EN2: variants seen among roughly 807,000 people sequenced by gnomAD.
The protein encoded by EN2 is engrailed homeobox 2.
In EN2, 7 loss-of-function variants were observed where a neutral mutation model predicts 25.0. The ratio of observed to expected loss-of-function variants is 0.28; its 90% CI spans 0.16 to 0.53. EN2 has a LOEUF of 0.53. EN2 is among the 20% of genes least tolerant of loss of function. The pLI, the probability that EN2 is intolerant of heterozygous loss-of-function variation, is 0.96. For missense variants in EN2, 524 were observed against 501.8 expected, an observed-to-expected ratio of 1.04 and a Z score of -0.42; for synonymous variants, 277 against 243.3, an observed-to-expected ratio of 1.14 and a Z score of -1.29.
At position 155,463,431 on chromosome 7, in the gene EN2, C is replaced by T. The variant is rs1795721428; in HGVS notation, c.*744C>T. 6.5e-6 allele frequency: 1 copy of T among 152,676 alleles called. No homozygotes were observed. Among genetic ancestry groups the T allele is most frequent in the African/African-American group, 2.4e-5 (1 of 41,256 alleles). 9.5% of individuals were successfully genotyped at this position (152,676 alleles called of 1,614,324 possible). ...CCTTCTCCTTTTTCCTCCTCTTCCT[C>T]CTTCCTCCTTCCTCCTGCTCCTCCT... is the stretch of plus-strand genomic sequence containing the variant. On this transcript the variant is annotated 3_prime_UTR_variant, in exon 2 of 2. Transcript: ENST00000297375.
At position 155,458,238 on chromosome 7, in the gene EN2, C is replaced by A; in HGVS notation, c.-140C>A. On this transcript the variant is annotated 5_prime_UTR_variant, in exon 1 of 2. In the 5' UTR this introduces an upstream ATG that the reference lacks. Coordinates refer to ENST00000297375, the MANE Select transcript of EN2 (RefSeq NM_001427.4). ...GCCGGCGACTTGTAGGACCTCAGCC[C>A]TGGCCGCGGCCGCCGCGCACGCCCT... The A allele has an allele frequency of 1.7e-6, 2 of 1,175,510 alleles. No individual in the cohort carries two copies. Among genetic ancestry groups the A allele is most frequent in the Non-Finnish European group, 2.2e-6 (2 of 926,338 alleles). 72.8% of individuals were successfully genotyped at this position (1,175,510 alleles called of 1,614,324 possible).
At chr7:155,460,497 G>A (rs912592128) in intron 1 of EN2, among the ~76,000 whole-genome samples, 1 of 152,182 alleles carries the variant, frequency 6.6e-6, no homozygotes, top group Non-Finnish European at 1.5e-5. Flanking sequence ...TCTTTTGAAA[G>A]AAAATCAAGA....
Position 155,458,991 on chromosome 7 carries a change from A to T in EN2, c.614A>T (p.Asn205Ile). ...TCGGACAGCTCGCAAGCCGGCGCCA[A>T]CCTGGGCGCGCAGCCCATGCTCTGG... ...SDSDSSQAGA[N>I]LGAQPMLWPA... The change falls in exon 1 of 2, where the codon AAC becomes ATC. Residue 205 changes from asparagine (N) to isoleucine (I), a missense_variant. By Grantham distance (149) the Asn-to-Ile change is moderately radical. Coordinates refer to ENST00000297375, the MANE Select transcript of EN2 (RefSeq NM_001427.4). 1 of 1,559,836 alleles carries T rather than the reference A, an allele frequency of 6.4e-7. No individual in the cohort carries two copies. The highest frequency in any genetic ancestry group is 1.2e-5 in the South Asian group (1 of 86,728).
chr7:155,460,567 C>T (rs940912109), intron 1 of EN2, among the ~76,000 whole-genome samples: 1 of 152,142 alleles, frequency 6.6e-6, no homozygotes, highest in Admixed American at 6.5e-5. Context: ...TGTCCTTTTG[C>T]GGGCTGCTTC....
intron 1 of EN2, among the ~76,000 whole-genome samples, chr7:155,459,718 G>T (rs752758249): frequency 3.3e-5 from 5 of 152,240 alleles, no homozygotes; most frequent in African/African-American, 4.8e-5. Flanking sequence ...GCGCCAGCCC[G>T]CAGTGGTGGG....
chr7:155,461,759 A>G (rs532724703), intron 1 of EN2, among the ~76,000 whole-genome samples: 1 of 152,278 alleles, frequency 6.6e-6, no homozygotes, highest in South Asian at 2.1e-4. Context: ...ACTCTTCCTT[A>G]AAGGAATGAA....
rs1276803408 is a variant in EN2 at position 155,458,500 on chromosome 7, C to T, written c.123C>T (p.Asp41=). The T allele has an allele frequency of 7.6e-7, 1 of 1,320,502 alleles. No individual in the cohort carries two copies. The allele number at this position is 1,320,502 out of a possible 1,614,324, so 81.8% of individuals were successfully genotyped here. Residue 41 remains aspartate, a synonymous_variant, in exon 1 of 2, where the codon GAC becomes GAT. Transcript: ENST00000297375. ...GCGGTAGCAGCCCGGGCGAAGCGGACACCGGGCGCCGGCGGGCTCTGATGC... is the reference window on the plus strand; with the variant it reads ...GCGGTAGCAGCCCGGGCGAAGCGGATACCGGGCGCCGGCGGGCTCTGATGC... The part of the protein sequence containing the change: ...GGGGSSPGEA[D]TGRRRALMLP...
At position 155,458,230 on chromosome 7, in the gene EN2, C is replaced by T. The variant is rs371410446; in HGVS notation, c.-148C>T. 84 of 1,115,734 alleles carry T rather than the reference C, an allele frequency of 7.5e-5. 1 individual carries two copies. In the East Asian group the frequency reaches 1.1e-3, roughly 15 times the overall value. The allele number at this position is 1,115,734 out of a possible 1,614,324, so 69.1% of individuals were successfully genotyped here. ...CGAGCGCGGCCGGCGACTTGTAGGACCTCAGCCCTGGCCGCGGCCGCCGCG... is the reference window on the plus strand; with the variant it reads ...CGAGCGCGGCCGGCGACTTGTAGGATCTCAGCCCTGGCCGCGGCCGCCGCG... On this transcript the variant is annotated 5_prime_UTR_variant, in exon 1 of 2. Transcript: ENST00000297375.
chr7:155,461,466 G>A (rs1795696281), intron 1 of EN2, among the ~76,000 whole-genome samples: 1 of 152,220 alleles, frequency 6.6e-6, no homozygotes, highest in Non-Finnish European at 1.5e-5. Context: ...ACCTGGGGCA[G>A]GTCCACAGGG....
Position 155,462,446 on chromosome 7 carries a change from A to G in EN2, c.761A>G (p.Glu254Gly). Reference protein sequence around the residue: ...DKRPRTAFTAEQLQRLKAEFQ... With the variant: ...DKRPRTAFTAGQLQRLKAEFQ... The stretch of plus-strand genomic sequence containing the variant: ...CGGCCGCGCACGGCCTTTACCGCCG[A>G]GCAGCTGCAGAGGCTCAAGGCCGAG... Residue 254 changes from glutamate to glycine, a missense_variant, in exon 2 of 2, where the codon GAG (glutamate) becomes GGG (glycine). Physicochemically the swap from Glu to Gly is moderately conservative, Grantham distance 98. Transcript: ENST00000297375. 2 of 1,614,146 alleles carry G rather than the reference A, an allele frequency of 1.2e-6. No homozygotes were observed. The highest frequency in any genetic ancestry group is 1.1e-5 in the South Asian group (1 of 91,084).
At chr7:155,459,388 C>T (rs1429990546) in intron 1 of EN2, among the ~76,000 whole-genome samples, 1 of 152,228 alleles carries the variant, frequency 6.6e-6, no homozygotes, top group Admixed American at 6.5e-5. Flanking sequence ...TCTTCCCAGC[C>T]CCTAGCCCAT....
Position 155,462,495 on chromosome 7 carries a change from G to A in EN2, c.810G>A (p.Thr270=), listed in dbSNP as rs112687347. The A allele has an allele frequency of 8.7e-5, 141 of 1,614,082 alleles. 1 individual carries two copies. Among genetic ancestry groups the A allele is most frequent in the Non-Finnish European group, 7.3e-5 (86 of 1,180,050 alleles). The change falls in exon 2 of 2, where the codon ACG becomes ACA. Residue 270 remains threonine, a synonymous_variant. Transcript: ENST00000297375. ...KAEFQTNRYL[T]EQRRQSLAQE... ...AGTTCCAGACCAACAGGTACCTGAC[G>A]GAGCAGCGGCGCCAGAGCCTGGCGC...
In EN2 at chr7:155,462,338, C is replaced by T. The variant is rs537998496; in HGVS notation, c.686-33C>T. ...TATTGGGTGGCACACCTCTGGGTAA[C>T]CTGACTTCTCTCTGTCCACCGTATC... is the stretch of plus-strand genomic sequence containing the variant. On this transcript the variant is annotated intron_variant, in intron 1 of 1. Transcript: ENST00000297375. The T allele has an allele frequency of 2.7e-5, 42 of 1,573,592 alleles. No homozygotes were observed. The South Asian group carries it at 4.5e-4, about 17-fold the overall frequency.
In EN2 at chr7:155,464,627, T is replaced by G. The variant is rs1484269800; in HGVS notation, c.*1940T>G. On this transcript the variant is annotated 3_prime_UTR_variant, in exon 2 of 2. Transcript: ENST00000297375. ...AGGAAGCAAAGTTGGTTTCTGTTTT[T>G]TGTTTTCTTTGTTGTTTTAGTTTAT... 2.6e-5 allele frequency: 4 copies of G among 152,696 alleles called. No individual in the cohort carries two copies. The highest frequency in any genetic ancestry group is 9.6e-5 in the African/African-American group (4 of 41,472). The allele number at this position is 152,696 out of a possible 1,614,324, so 9.5% of individuals were successfully genotyped here. A position where few individuals can be genotyped will look rare whatever the true frequency, so the allele number is the denominator to read the frequency against.
chr7:155,458,798 G>A lies in EN2; in HGVS notation c.421G>A (p.Gly141Arg), dbSNP rs890439668. The change falls in exon 1 of 2, where the codon GGG becomes AGG. Residue 141 changes from glycine to arginine, a missense_variant. Physicochemically the swap from Gly to Arg is moderately radical, Grantham distance 125 (BLOSUM62 -2). Transcript: ENST00000297375. ...CCCGCCATGTGCGCCCGGCGCGGGC[G>A]GGCCGCTCCCAGCCGCCGGCAGCGA... is the stretch of plus-strand genomic sequence containing the variant. Reference protein sequence around the residue: ...QNPPCAPGAGGPLPAAGSDSP... With the variant: ...QNPPCAPGAGRPLPAAGSDSP... 5 of 1,393,352 alleles carry A rather than the reference G, an allele frequency of 3.6e-6. No individual in the cohort carries two copies. The highest frequency in any genetic ancestry group is 3.6e-5 in the Admixed American group (1 of 27,416). 86.3% of individuals were successfully genotyped at this position (1,393,352 alleles called of 1,614,324 possible).
chr7:155,459,111 G>A, intron 1 of EN2, 49 bp downstream of exon 1: 4 of 1,500,868 alleles, frequency 2.7e-6, no homozygotes, highest in Non-Finnish European at 3.5e-6. Flanking sequence ...GGAGGCCCGC[G>A]GAGCTGGGGG....
intron 1 of EN2, 69 bp downstream of exon 1, chr7:155,459,131 G>A (rs1795666405): frequency 1.4e-6 from 2 of 1,452,782 alleles, no homozygotes; most frequent in African/African-American, 3.0e-5. Flanking sequence ...GGCGGTGCTG[G>A]CGCGGGAACT....
In EN2 at chr7:155,458,741, T is replaced by C; in HGVS notation, c.364T>C (p.Leu122=). ...GGGAGGSEQL[L]GSGSREPRQN... Reference sequence around the variant, plus strand: ...CGGCGCGGGCGGCTCGGAGCAGCTCTTGGGCTCGGGCTCCCGAGAGCCCCG... The same window carrying C: ...CGGCGCGGGCGGCTCGGAGCAGCTCCTGGGCTCGGGCTCCCGAGAGCCCCG... The change falls in exon 1 of 2, where the codon TTG becomes CTG. Residue 122 remains leucine (L), a synonymous_variant. Coordinates refer to ENST00000297375, the MANE Select transcript of EN2 (RefSeq NM_001427.4). The C allele has an allele frequency of 2.9e-6, 4 of 1,359,360 alleles. No homozygotes were observed. Among genetic ancestry groups the C allele is most frequent in the Non-Finnish European group, 2.8e-6 (3 of 1,063,902 alleles). 84.2% of individuals were successfully genotyped at this position (1,359,360 alleles called of 1,614,324 possible).
chr7:155,460,854 A>C (rs1011810822), intron 1 of EN2, among the ~76,000 whole-genome samples: 4 of 152,174 alleles, frequency 2.6e-5, no homozygotes, highest in Admixed American at 6.5e-5. Context: ...TGGGTGCCCA[A>C]GTATAGGGTG....
Sources: gnomAD v4.1 joint callset for allele counts (sites outside exome capture counted in the v4.1 genomes callset) on GRCh38, gnomAD v4.1.1 for gene constraint, MANE v1.5 for transcripts, NCBI Gene and HGNC (gene_info 2026-07-23, HGNC 2026-07-21) for gene names.